Variants in TTC1 observed in about 807,000 individuals in gnomAD.
TTC1 encodes tetratricopeptide repeat domain 1, also known as tetratricopeptide repeat protein 1.
TTC1 carries 31 observed loss-of-function variants against 37.6 expected under a neutral mutation model. That is an observed-to-expected ratio of 0.82 (90% CI 0.62 to 1.11). The LOEUF is 1.11. Ranked by LOEUF, TTC1 falls within the 50% of genes most tolerant of loss-of-function variation. The pLI, the probability that TTC1 is intolerant of heterozygous loss-of-function variation, is 0.00. For missense variants in TTC1, 351 were observed against 339.0 expected (o/e 1.04, Z -0.28); for synonymous variants, 127 against 122.4 (o/e 1.04, Z -0.25).
chr5:160,051,924 C>T (rs988790869), intron 7 of TTC1, among the ~76,000 whole-genome samples: 8 of 152,332 alleles, frequency 5.3e-5, no homozygotes, highest in Middle Eastern at 3.4e-3. Context: ...AAACTGCAAT[C>T]ATGTGGCCCT....
intron 2 of TTC1, among the ~76,000 whole-genome samples, chr5:160,021,934 T>TCTGGGTACTGTGATCC (rs1053285243): frequency 2.0e-5 from 3 of 152,210 alleles, no homozygotes; most frequent in African/African-American, 7.2e-5. Flanking sequence ...GCTATTGATC[T>TCTGGGTACTGTGATCC]CTGGGTACTG....
intron 7 of TTC1, among the ~76,000 whole-genome samples, chr5:160,062,807 G>GT (rs3832347): frequency 4.6e-4 from 69 of 149,946 alleles, no homozygotes; most frequent in Middle Eastern, 3.4e-3. Flanking sequence ...GCTTTTGATG[G>GT]TTTTTTTTTT....
At chr5:160,009,953 C>T (rs1756466341) in intron 1 of TTC1, among the ~76,000 whole-genome samples, 1 of 152,194 alleles carries the variant, frequency 6.6e-6, no homozygotes, top group Non-Finnish European at 1.5e-5. Context: ...TTACTCGTGC[C>T]TTGGTTATTC....
intron 7 of TTC1, among the ~76,000 whole-genome samples, chr5:160,055,589 C>T (rs1757524193): frequency 6.6e-6 from 1 of 152,250 alleles, no homozygotes; most frequent in African/African-American, 2.4e-5. Flanking sequence ...ATATCAGGCC[C>T]TACCCCAGAC....
chr5:160,058,633 G>A (rs1757612748), intron 7 of TTC1, among the ~76,000 whole-genome samples: 1 of 151,730 alleles, frequency 6.6e-6, no homozygotes, highest in Admixed American at 6.6e-5. Flanking sequence ...GGATGGTCTT[G>A]ATCTCCTGAC....
intron 5 of TTC1, among the ~76,000 whole-genome samples, chr5:160,045,509 CACACAT>C (rs1242835748): frequency 0.013 from 975 of 76,046 alleles, 8 homozygotes; most frequent in Non-Finnish European, 0.015. Context: ...CACACACACA[CACACAT>C]ACACACTCTC....
chr5:160,009,805 A>G (rs1427305160), intron 1 of TTC1, among the ~76,000 whole-genome samples: 1 of 152,064 alleles, frequency 6.6e-6, no homozygotes, highest in African/African-American at 2.4e-5. Context: ...TTCCCCTTCC[A>G]GTGTAAGCTG....
At chr5:160,052,767 A>G (rs1293947811) in intron 7 of TTC1, among the ~76,000 whole-genome samples, 1 of 152,092 alleles carries the variant, frequency 6.6e-6, no homozygotes, top group Non-Finnish European at 1.5e-5. Flanking sequence ...CCTTGTCTTT[A>G]TAAATTCTAA....
At chr5:160,026,506 T>G (rs976337251) in intron 2 of TTC1, among the ~76,000 whole-genome samples, 6 of 152,258 alleles carry the variant, frequency 3.9e-5, no homozygotes, top group African/African-American at 7.2e-5. Context: ...AATACACTTA[T>G]AGTTGTTATA....
chr5:160,020,462 CAG>C (rs1428668841), intron 2 of TTC1, among the ~76,000 whole-genome samples: 10 of 152,182 alleles, frequency 6.6e-5, no homozygotes, highest in Admixed American at 4.6e-4. Context: ...TGCTCTAAAA[CAG>C]GGGTCGTCAA....
intron 2 of TTC1, among the ~76,000 whole-genome samples, chr5:160,011,921 G>A (rs1756508601): frequency 6.6e-6 from 1 of 152,148 alleles, no homozygotes; most frequent in South Asian, 2.1e-4. Flanking sequence ...AGGTAGCCTG[G>A]GGTGGGTAGG....
chr5:160,052,617 C>T (rs1163365539), intron 7 of TTC1, among the ~76,000 whole-genome samples: 1 of 138,612 alleles, frequency 7.2e-6, no homozygotes, highest in Admixed American at 7.3e-5. Flanking sequence ...AAAAAGATGA[C>T]CTTGTGAATG....
chr5:160,041,983 G>A (rs899111249), intron 4 of TTC1, among the ~76,000 whole-genome samples: 10 of 151,988 alleles, frequency 6.6e-5, no homozygotes, highest in Non-Finnish European at 4.4e-5. Context: ...AGGCTTGAGT[G>A]CAGTGTCGTG....
intron 2 of TTC1, among the ~76,000 whole-genome samples, chr5:160,024,611 C>T (rs777782429): frequency 6.6e-5 from 10 of 152,060 alleles, no homozygotes; most frequent in Non-Finnish European, 1.2e-4. Flanking sequence ...ATCCTCCTGC[C>T]TCAGCCTCCC....
chr5:160,061,138 C>G (rs572859055), intron 7 of TTC1, among the ~76,000 whole-genome samples: 1 of 152,218 alleles, frequency 6.6e-6, no homozygotes, highest in Admixed American at 6.5e-5. Context: ...CGCTTCAGCC[C>G]CATTGGACAC....
chr5:160,031,083 A>C (rs1459756271), intron 2 of TTC1, among the ~76,000 whole-genome samples: 1 of 152,176 alleles, frequency 6.6e-6, no homozygotes, highest in East Asian at 1.9e-4. Flanking sequence ...CAGCAGAAAA[A>C]AACTCCAGTC....
At chr5:160,040,885 T>C (rs1049150339) in intron 4 of TTC1, among the ~76,000 whole-genome samples, 2 of 152,034 alleles carry the variant, frequency 1.3e-5, no homozygotes, top group East Asian at 1.9e-4. Context: ...ACTGGAATTA[T>C]AGGCGTGAGC....
At chr5:160,036,258 A>G (rs1756997114) in intron 3 of TTC1, among the ~76,000 whole-genome samples, 2 of 152,250 alleles carry the variant, frequency 1.3e-5, no homozygotes, top group Non-Finnish European at 2.9e-5. Flanking sequence ...AAAGCACAAC[A>G]GATTTAATGA....
intron 2 of TTC1, among the ~76,000 whole-genome samples, 186 bp downstream of exon 2, chr5:160,011,044 G>C (rs1446593593): frequency 2.0e-5 from 3 of 152,132 alleles, no homozygotes; most frequent in Non-Finnish European, 4.4e-5. Context: ...GAGTGTGTCT[G>C]CTTAACAAAG....
Sources: allele counts gnomAD v4.1 joint callset (sites outside exome capture counted in the v4.1 genomes callset), GRCh38; gene constraint gnomAD v4.1.1; transcripts MANE v1.5; gene names NCBI Gene and HGNC (gene_info 2026-07-23, HGNC 2026-07-21).